Variants in ENPP3 observed in about 807,000 individuals in gnomAD.
ENPP3 encodes ectonucleotide pyrophosphatase/phosphodiesterase 3.
A neutral mutation model predicts 117.8 loss-of-function variants in ENPP3; 104 were observed. The ratio of observed to expected loss-of-function variants is 0.88; its 90% CI spans 0.75 to 1.04. The LOEUF (loss-of-function observed/expected upper bound fraction) is 1.04. Among genes scored for constraint, ENPP3 ranks in the 50% least tolerant of loss-of-function variants. ENPP3 has a pLI of 0.00. For missense variants in ENPP3, 1,026 were observed against 1,051.9 expected, an observed-to-expected ratio of 0.98 and a Z score of 0.34; for synonymous variants, 380 against 349.9, an observed-to-expected ratio of 1.09 and a Z score of -0.96.
Position 131,650,057 on chromosome 6 carries a change from C to T in ENPP3, c.185C>T (p.Ser62Leu), listed in dbSNP as rs145954772. The T allele has an allele frequency of 6.9e-5, 112 of 1,613,958 alleles. 1 individual carries two copies. In the African/African-American group the frequency reaches 1.3e-3, roughly 19 times the overall value. ...TGCAGGAAGAAGTGCTTTGATGCAT[C>T]ATTTAGAGGACTGGAGAACTGCCGG... ...GSCRKKCFDA[S>L]FRGLENCRCD... is the part of the protein sequence containing the mutation. Residue 62 changes from serine (S) to leucine (L), a missense_variant, in exon 3 of 25, where the codon TCA becomes TTA. Physicochemically the swap from Ser to Leu is moderately radical, Grantham distance 145. Coordinates refer to ENST00000357639, the MANE Select transcript of ENPP3 (RefSeq NM_005021.5).
intron 17 of ENPP3, 87 bp from the exon 18 acceptor site, chr6:131,722,140 G>C (rs1376046066): frequency 3.5e-6 from 3 of 864,850 alleles, no homozygotes; most frequent in Non-Finnish European, 5.5e-6. Flanking sequence ...GAGTGAAAGA[G>C]TAGGTGTTTG....
chr6:131,650,656 T>C (rs1420940805), intron 3 of ENPP3, among the ~76,000 whole-genome samples: 1 of 152,208 alleles, frequency 6.6e-6, no homozygotes, highest in Non-Finnish European at 1.5e-5. Flanking sequence ...GTCCAACTTC[T>C]AGGTGTTGAC....
chr6:131,679,392 G>A (rs527632797), intron 11 of ENPP3, among the ~76,000 whole-genome samples: 8 of 151,994 alleles, frequency 5.3e-5, no homozygotes, highest in African/African-American at 1.4e-4. Flanking sequence ...ACTGCACCCA[G>A]CCATTCTTTT....
chr6:131,668,336 C>A lies in ENPP3; in HGVS notation c.563-2912C>A, dbSNP rs569663251. Among the ~76,000 whole-genome samples, 9 of 148,662 alleles carry A rather than the reference C, an allele frequency of 6.1e-5. No individual in the cohort carries two copies. The East Asian group carries it at 1.1e-3, about 19-fold the overall frequency. The stretch of plus-strand genomic sequence containing the variant: ...CCAGTGATTCTCCTGTCTCGCCCCC[C>A]CCTGAGGATCTGGGATTACAGGCAC... On this transcript the variant is annotated intron_variant, in intron 6 of 24. Transcript: ENST00000357639.
chr6:131,703,014 T>C, intron 15 of ENPP3, among the ~76,000 whole-genome samples: 1 of 151,764 alleles, frequency 6.6e-6, no homozygotes, highest in South Asian at 2.1e-4. Flanking sequence ...ATTGCTCAGA[T>C]TGTGTGGCCT....
rs1053851917 is a variant in ENPP3, at chr6:131,659,554, G to A, written c.562+1134G>A. On this transcript the variant is annotated intron_variant, in intron 6 of 24. Coordinates refer to ENST00000357639, the MANE Select transcript of ENPP3 (RefSeq NM_005021.5). Reference sequence around the variant, plus strand: ...TGGGTAAGTTGACTGACTTTTCTGGGCCTCAGTTTCCTCATTTGTAAAATG... The same window carrying A: ...TGGGTAAGTTGACTGACTTTTCTGGACCTCAGTTTCCTCATTTGTAAAATG... 1.1e-4 allele frequency among the ~76,000 whole-genome samples: 17 copies of A among 151,980 alleles called. No homozygotes were observed. In the South Asian group the frequency reaches 3.3e-3, roughly 30 times the overall value.
At chr6:131,713,956 T>G (rs1191557408) in intron 15 of ENPP3, among the ~76,000 whole-genome samples, 2 of 147,996 alleles carry the variant, frequency 1.4e-5, no homozygotes, top group Non-Finnish European at 3.0e-5. Context: ...CTTGAAGATA[T>G]GTTTAATAAA....
intron 15 of ENPP3, among the ~76,000 whole-genome samples, chr6:131,718,196 G>T (rs55795324): frequency 0.01 from 1,543 of 152,284 alleles, 21 homozygotes; most frequent in African/African-American, 0.033. Context: ...CTGGAAAACA[G>T]AAATTGATAT....
chr6:131,645,671 G>C (rs1204162074), intron 2 of ENPP3, among the ~76,000 whole-genome samples: 3 of 152,152 alleles, frequency 2.0e-5, no homozygotes, highest in Admixed American at 2.0e-4. Context: ...GTTTGGCTAG[G>C]TGTTGAATTC....
rs751772186 is a variant in ENPP3 at position 131,683,106 on chromosome 6, G to A, written c.1064G>A (p.Gly355Asp). 6.2e-7 allele frequency: 1 copy of A among 1,612,866 alleles called. No individual in the cohort carries two copies. Among genetic ancestry groups the A allele is most frequent in the Middle Eastern group, 1.6e-4 (1 of 6,076 alleles). ...VDHAFGMLME[G>D]LKQRNLHNCV... ...CATGCTTTTGGGATGTTGATGGAAG[G>A]CCTGAAGCAGCGGAATTTGCACAAC... Residue 355 changes from glycine to aspartate, a missense_variant, in exon 12 of 25, where the codon GGC (glycine) becomes GAC (aspartate). Coordinates refer to ENST00000357639, the MANE Select transcript of ENPP3 (RefSeq NM_005021.5).
At chr6:131,642,239 A>G (rs1379582001) in intron 2 of ENPP3, among the ~76,000 whole-genome samples, 1 of 152,032 alleles carries the variant, frequency 6.6e-6, no homozygotes, top group African/African-American at 2.4e-5. Context: ...ACCTCCTGCC[A>G]CCACCCTGTA....
In ENPP3 at chr6:131,675,120, C is replaced by T; in HGVS notation, c.803C>T (p.Thr268Ile). 1 of 1,613,840 alleles carries T rather than the reference C, an allele frequency of 6.2e-7. No homozygotes were observed. The highest frequency in any genetic ancestry group is 8.5e-7 in the Non-Finnish European group (1 of 1,179,806). ...TAMYQGLKAA[T>I]YFWPGSEVAI... ...ATGTATCAAGGTTTAAAAGCCGCTA[C>T]CTACTTTTGGCCCGGATCAGAAGTG... Residue 268 changes from threonine (T) to isoleucine (I), a missense_variant, in exon 9 of 25, where the codon ACC (threonine) becomes ATC (isoleucine). Transcript: ENST00000357639.
intron 6 of ENPP3, among the ~76,000 whole-genome samples, chr6:131,668,462 G>A (rs1201060286): frequency 6.6e-6 from 1 of 151,860 alleles, no homozygotes; most frequent in South Asian, 2.1e-4. Flanking sequence ...AGATCCGTCC[G>A]CCTCAGCCTC....
chr6:131,688,826 T>C (rs1585670772), intron 14 of ENPP3, among the ~76,000 whole-genome samples: 1 of 144,544 alleles, frequency 6.9e-6, no homozygotes. Context: ...CCGAGGCAGG[T>C]GGATCATTTG....
chr6:131,644,764 A>G (rs1391873116), intron 2 of ENPP3, among the ~76,000 whole-genome samples: 2 of 152,158 alleles, frequency 1.3e-5, no homozygotes, highest in African/African-American at 4.8e-5. Flanking sequence ...TTGTCAGCAT[A>G]TGTGGGATTT....
intron 15 of ENPP3, chr6:131,708,614 T>C: frequency 6.4e-7 from 1 of 1,558,952 alleles, no homozygotes; most frequent in Non-Finnish European, 8.6e-7. Flanking sequence ...TGTCTTGCTG[T>C]GGTTCTGGAT....
chr6:131,662,717 T>C (rs12193853), intron 6 of ENPP3, among the ~76,000 whole-genome samples: 11,359 of 152,216 alleles, frequency 0.075, 837 homozygotes, highest in East Asian at 0.33. Flanking sequence ...TTTCTATTTC[T>C]GTAATAAATG....
At chr6:131,699,325 T>C (rs1377628828) in intron 15 of ENPP3, among the ~76,000 whole-genome samples, 1 of 150,324 alleles carries the variant, frequency 6.7e-6, no homozygotes, top group African/African-American at 2.5e-5. Context: ...GTGTAAAAAG[T>C]TATTTTAAAA....
chr6:131,739,525 G>A (rs1296027730), intron 23 of ENPP3, among the ~76,000 whole-genome samples: 2 of 148,980 alleles, frequency 1.3e-5, no homozygotes, highest in African/African-American at 2.5e-5. Context: ...TGCTGTATTA[G>A]TAAACACTAC....
Sources: gnomAD v4.1 joint callset for allele counts (sites outside exome capture counted in the v4.1 genomes callset) on GRCh38, gnomAD v4.1.1 for gene constraint, MANE v1.5 for transcripts, NCBI Gene and HGNC (gene_info 2026-07-23, HGNC 2026-07-21) for gene names.